The following CD8B variants were observed in gnomAD, a reference collection of about 807,000 sequenced individuals.
CD8B encodes the protein T-cell surface glycoprotein CD8 beta chain.
Under a neutral mutation model 24.2 loss-of-function variants are expected in CD8B, and 6 were observed. The observed-to-expected ratio is 0.25, with a 90% CI of 0.14 to 0.49. The LOEUF (loss-of-function observed/expected upper bound fraction) is 0.49, where lower values mean the gene tolerates loss of function less well. CD8B is among the 20% of genes least tolerant of loss of function. The pLI is 0.98. For synonymous variants in CD8B, 84 were observed against 108.3 expected (o/e 0.78, Z 1.39); for missense variants, 196 against 271.3 (o/e 0.72, Z 1.95).
chr2:86,837,695 T>G, downstream of CD8B, among the ~76,000 whole-genome samples: 2 of 103,306 alleles, frequency 1.9e-5, no homozygotes, highest in African/African-American at 7.5e-5. Flanking sequence ...TGGGGATGAG[T>G]AAGGATGAAA....
rs1285464744 is a variant in CD8B at position 86,846,925 on chromosome 2, G to GTCTTTTTTTTTTTTTTTTTTTTTTTT, written c.494-153_494-152insAAAAAAAAAAAAAAAAAAAAAAAAGA. 1.1e-5 allele frequency: 2 copies of GTCTTTTTTTTTTTTTTTTTTTTTTTT among 176,724 alleles called. 1 individual carries two copies. 10.9% of individuals were successfully genotyped at this position (176,724 alleles called of 1,614,324 possible). On this transcript the variant is annotated intron_variant, in intron 3 of 5. Coordinates refer to ENST00000390655, the MANE Select transcript of CD8B (RefSeq NM_004931.5). ...TTCGATGTAATGTATTTTTCCTCAAGTATTTTTTTTTTTTTTTTTTTTTTT... is the reference window on the plus strand; with the variant it reads ...TTCGATGTAATGTATTTTTCCTCAAGTCTTTTTTTTTTTTTTTTTTTTTTTTTATTTTTTTTTTTTTTTTTTTTTTT...
chr2:86,816,763 A>T (rs987358452), intron 5 of CD8B, among the ~76,000 whole-genome samples: 2 of 152,240 alleles, frequency 1.3e-5, no homozygotes, highest in South Asian at 2.1e-4. Flanking sequence ...AAACTTTTTT[A>T]AAAAATGTGT....
chr2:86,852,141 A>G (rs1217830376), intron 3 of CD8B, among the ~76,000 whole-genome samples: 1 of 151,924 alleles, frequency 6.6e-6, no homozygotes, highest in African/African-American at 2.4e-5. Context: ...ATTTTTTTAC[A>G]TTTTCGTAGA....
At chr2:86,817,147 A>G (rs1674283834) in intron 5 of CD8B, among the ~76,000 whole-genome samples, 1 of 152,244 alleles carries the variant, frequency 6.6e-6, no homozygotes, top group Non-Finnish European at 1.5e-5. Context: ...AACAAGACCA[A>G]TAACATCAAG....
At position 86,858,057 on chromosome 2, in the gene CD8B, C is replaced by A; in HGVS notation, c.403G>T (p.Val135Phe). 1 of 1,613,492 alleles carries A rather than the reference C, an allele frequency of 6.2e-7. No individual in the cohort carries two copies. The part of the protein sequence containing the change: ...TFGKGTQLSV[V>F]DFLPTTAQPT... ...TGATAGCATTGAGCCTGCTTCTTAC[C>A]CACACTCAGCTGAGTTCCCTTCCCG... Residue 135 changes from valine (V) to phenylalanine (F), a missense_variant and splice_region_variant, in exon 2 of 6, where the codon GTT (valine) becomes TTT (phenylalanine). Val to Phe is a conservative substitution (Grantham distance 50). Transcript: ENST00000390655.
chr2:86,859,680 C>T (rs1034717609), intron 1 of CD8B, among the ~76,000 whole-genome samples: 55 of 151,430 alleles, frequency 3.6e-4, no homozygotes, highest in Non-Finnish European at 6.6e-4. Flanking sequence ...CACAATCTGA[C>T]CTGGTGAGCC....
At position 86,844,680 on chromosome 2, in the gene CD8B, T is replaced by A. The variant is rs540316799; in HGVS notation, c.620+242A>T. The A allele has an allele frequency of 1.0e-4, 151 of 1,497,434 alleles. No individual in the cohort carries two copies. In the African/African-American group the frequency reaches 1.9e-3, roughly 19 times the overall value. 92.8% of individuals were successfully genotyped at this position (1,497,434 alleles called of 1,614,324 possible). On this transcript the variant is annotated intron_variant, in intron 5 of 5. Transcript: ENST00000390655. ...TTTTTTTAGATGGAGTCTCACTCTGTTGCCCAGGCTGGAGTGCAGTGGTAC... is the reference window on the plus strand; with the variant it reads ...TTTTTTTAGATGGAGTCTCACTCTGATGCCCAGGCTGGAGTGCAGTGGTAC...
At chr2:86,832,853 T>G (rs556668646) in intron 5 of CD8B, 1 of 181,372 alleles carries the variant, frequency 5.5e-6, no homozygotes, top group African/African-American at 2.4e-5. Flanking sequence ...TCTTGTTATT[T>G]AAATGAAATT....
chr2:86,840,836 G>A lies in CD8B; in HGVS notation c.*1471C>T, dbSNP rs903441689. Among the ~76,000 whole-genome samples, 1 of 152,066 alleles carries A rather than the reference G, an allele frequency of 6.6e-6. No homozygotes were observed. Among genetic ancestry groups the A allele is most frequent in the Non-Finnish European group, 1.5e-5 (1 of 68,028 alleles). On this transcript the variant is annotated 3_prime_UTR_variant, in exon 6 of 6. Transcript: ENST00000390655. The stretch of plus-strand genomic sequence containing the variant: ...ACCCACCACACCTCATTCTGCTGCG[G>A]CCGCACCCCAGATGCCAGGAGAAGG...
In CD8B at chr2:86,841,763, C is replaced by A; in HGVS notation, c.*544G>T. On this transcript the variant is annotated 3_prime_UTR_variant, in exon 6 of 6. Transcript: ENST00000390655. Reference sequence around the variant, plus strand: ...TCCTCAAACCCGCAAGTTCCCGGCCCCAAAGGAAGCCCTCAGAGACTGATA... The same window carrying A: ...TCCTCAAACCCGCAAGTTCCCGGCCACAAAGGAAGCCCTCAGAGACTGATA... 2 of 985,564 alleles carry A rather than the reference C, an allele frequency of 2.0e-6. No individual in the cohort carries two copies. Among genetic ancestry groups the A allele is most frequent in the Middle Eastern group, 5.2e-4 (1 of 1,914 alleles). 61.1% of individuals were successfully genotyped at this position (985,564 alleles called of 1,614,324 possible). A position where few individuals can be genotyped will look rare whatever the true frequency, so the allele number is the denominator to read the frequency against.
intron 5 of CD8B, among the ~76,000 whole-genome samples, chr2:86,819,362 G>T (rs1009332755): frequency 3.3e-5 from 5 of 152,230 alleles, no homozygotes; most frequent in African/African-American, 1.2e-4. Flanking sequence ...TAGCTAGAGA[G>T]AAGTCAATGC....
At chr2:86,826,719 A>G (rs767728392) in intron 5 of CD8B, among the ~76,000 whole-genome samples, 9 of 152,138 alleles carry the variant, frequency 5.9e-5, no homozygotes, top group Non-Finnish European at 1.3e-4. Flanking sequence ...CTCTCGCCCA[A>G]GTACACTGTG....
intron 5 of CD8B, chr2:86,844,565 T>G: frequency 7.8e-7 from 1 of 1,286,394 alleles, no homozygotes; most frequent in Admixed American, 2.3e-5. Context: ...TGAAATACAT[T>G]TAACTTACTG....
At chr2:86,844,277 C>G (rs1442279523) in intron 5 of CD8B, among the ~76,000 whole-genome samples, 2 of 151,250 alleles carry the variant, frequency 1.3e-5, no homozygotes, top group Admixed American at 1.3e-4. Context: ...TCTGTCAACT[C>G]CTGGGACCCA....
At chr2:86,818,602 T>C (rs185539676) in intron 5 of CD8B, among the ~76,000 whole-genome samples, 1 of 152,216 alleles carries the variant, frequency 6.6e-6, no homozygotes, top group Non-Finnish European at 1.5e-5. Context: ...TTTATGACAG[T>C]GAACTTGATC....
intron 2 of CD8B, among the ~76,000 whole-genome samples, chr2:86,857,098 C>G (rs1442627348): frequency 6.6e-6 from 1 of 151,838 alleles, no homozygotes; most frequent in Non-Finnish European, 1.5e-5. Flanking sequence ...GCCATCAGCA[C>G]CCCCGTGTGA....
At chr2:86,843,060 T>C (rs1357151272) in intron 5 of CD8B, among the ~76,000 whole-genome samples, 1 of 151,912 alleles carries the variant, frequency 6.6e-6, no homozygotes, top group South Asian at 2.1e-4. Context: ...TTACTTTCCA[T>C]GAAAGGTCAT....
At chr2:86,859,328 C>T (rs1676452875) in intron 1 of CD8B, among the ~76,000 whole-genome samples, 1 of 152,106 alleles carries the variant, frequency 6.6e-6, no homozygotes, top group Non-Finnish European at 1.5e-5. Flanking sequence ...AAGCACCCGG[C>T]AAGCAGGGGC....
Position 86,839,972 on chromosome 2 carries a change from C to A in CD8B, c.*2335G>T, listed in dbSNP as rs959178906. ...CCCTCCCCTCAGCCTTGGAAGGCAG[C>A]CTGTCCCTTGTCCTCAGAGCTGATG... is the stretch of plus-strand genomic sequence containing the variant. On this transcript the variant is annotated 3_prime_UTR_variant, in exon 6 of 6. Coordinates refer to ENST00000390655, the MANE Select transcript of CD8B (RefSeq NM_004931.5). Among the ~76,000 whole-genome samples, 8 of 152,212 alleles carry A rather than the reference C, an allele frequency of 5.3e-5. No homozygotes were observed. The highest frequency in any genetic ancestry group is 1.3e-4 in the Admixed American group (2 of 15,284).
Sources: allele counts gnomAD v4.1 joint callset (sites outside exome capture counted in the v4.1 genomes callset), GRCh38; gene constraint gnomAD v4.1.1; transcripts MANE v1.5; gene names NCBI Gene and HGNC (gene_info 2026-07-23, HGNC 2026-07-21).